The following RNF220 variants were observed in gnomAD, a reference collection of about 807,000 sequenced individuals.
The protein encoded by RNF220 is ring finger protein 220.
A neutral mutation model predicts 67.1 loss-of-function variants in RNF220; 7 were observed. The observed-to-expected ratio is 0.10, with a 90% CI of 0.06 to 0.20. The LOEUF (loss-of-function observed/expected upper bound fraction) is 0.20, where lower values mean the gene tolerates loss of function less well. Among genes scored for constraint, RNF220 ranks in the 10% least tolerant of loss-of-function variants. RNF220 has a pLI of 1.00. For missense variants in RNF220, 565 were observed against 740.3 expected, an observed-to-expected ratio of 0.76 and a Z score of 2.75; for synonymous variants, 270 against 283.2, an observed-to-expected ratio of 0.95 and a Z score of 0.47.
At chr1:44,514,177 G>C (rs558421750) in intron 2 of RNF220, among the ~76,000 whole-genome samples, 3 of 152,302 alleles carry the variant, frequency 2.0e-5, no homozygotes, top group South Asian at 4.1e-4. Context: ...GCAGGACCCT[G>C]TTTCTCTTGT....
chr1:44,422,169 G>C (rs1301835438), intron 2 of RNF220, among the ~76,000 whole-genome samples: 4 of 152,122 alleles, frequency 2.6e-5, no homozygotes, highest in African/African-American at 9.7e-5. Context: ...AGAAAGTCTG[G>C]GATTTAGGTC....
chr1:44,594,205 G>A (rs1235009278), intron 2 of RNF220, among the ~76,000 whole-genome samples: 3 of 152,190 alleles, frequency 2.0e-5, no homozygotes, highest in Admixed American at 6.5e-5. Context: ...AAAAAGAAAA[G>A]TGAAAGGCCC....
At position 44,502,824 on chromosome 1, in the gene RNF220, G is replaced by C. The variant is rs1161593839; in HGVS notation, c.625+90102G>C. Among the ~76,000 whole-genome samples the C allele has an allele frequency of 2.6e-5, 4 of 152,196 alleles. No individual in the cohort carries two copies. The East Asian group carries it at 7.7e-4, about 29-fold the overall frequency. ...TCAGTCGCCCAGGCTGGTGTGCAGT[G>C]ATGAGATCGTAACTCACTGCAGCCT... On this transcript the variant is annotated intron_variant, in intron 2 of 14. Coordinates refer to ENST00000361799, the MANE Select transcript of RNF220 (RefSeq NM_018150.4).
chr1:44,555,217 G>A (rs1662975075), intron 2 of RNF220, among the ~76,000 whole-genome samples: 2 of 151,970 alleles, frequency 1.3e-5, no homozygotes, highest in African/African-American at 2.4e-5. Flanking sequence ...ACAGGCACAC[G>A]ACACCACGCC....
intron 2 of RNF220, among the ~76,000 whole-genome samples, chr1:44,480,748 T>C (rs1209176629): frequency 6.6e-6 from 1 of 152,106 alleles, no homozygotes. Context: ...TAGCTGGGCA[T>C]GGTGGGGCAC....
At chr1:44,410,925 T>C (rs868257576) in intron 1 of RNF220, among the ~76,000 whole-genome samples, 1 of 152,202 alleles carries the variant, frequency 6.6e-6, no homozygotes. Flanking sequence ...AACCACTGAC[T>C]ATGAAAATGT....
intron 2 of RNF220, among the ~76,000 whole-genome samples, chr1:44,435,919 A>G (rs1650918284): frequency 6.6e-6 from 1 of 151,984 alleles, no homozygotes; most frequent in Admixed American, 6.6e-5. Context: ...GAGACTCCAT[A>G]TCAAAAAAAA....
At chr1:44,456,790 GCA>G (rs979925561) in intron 2 of RNF220, among the ~76,000 whole-genome samples, 1 of 152,094 alleles carries the variant, frequency 6.6e-6, no homozygotes, top group Non-Finnish European at 1.5e-5. Flanking sequence ...GCCATGGCCT[GCA>G]CAGTCCTGCA....
intron 2 of RNF220, among the ~76,000 whole-genome samples, chr1:44,562,210 C>A (rs763811014): frequency 2.6e-5 from 4 of 152,062 alleles, no homozygotes; most frequent in Admixed American, 2.6e-4. Flanking sequence ...GAGGTCTGAA[C>A]GTAGTTTGGC....
intron 2 of RNF220, among the ~76,000 whole-genome samples, chr1:44,489,757 G>A (rs1272128297): frequency 6.6e-6 from 1 of 152,202 alleles, no homozygotes; most frequent in Non-Finnish European, 1.5e-5. Context: ...GTAATGCCTG[G>A]GTCACATTCA....
At chr1:44,575,977 G>C (rs749114050) in intron 2 of RNF220, among the ~76,000 whole-genome samples, 50 of 152,220 alleles carry the variant, frequency 3.3e-4, no homozygotes, top group Non-Finnish European at 5.9e-4. Flanking sequence ...ACGAGGACAT[G>C]GTCCCTGCCC....
chr1:44,480,558 G>T (rs1184532746), intron 2 of RNF220, among the ~76,000 whole-genome samples: 1 of 152,132 alleles, frequency 6.6e-6, no homozygotes, highest in East Asian at 1.9e-4. Context: ...AGTCTGAGAA[G>T]GAATGGACAA....
intron 2 of RNF220, among the ~76,000 whole-genome samples, chr1:44,559,346 G>A (rs1159284812): frequency 1.3e-5 from 2 of 152,236 alleles, no homozygotes; most frequent in Non-Finnish European, 2.9e-5. Context: ...GCAGCCAATA[G>A]CCAGGATGCC....
intron 2 of RNF220, among the ~76,000 whole-genome samples, chr1:44,514,364 C>T (rs918164428): frequency 2.0e-5 from 3 of 152,228 alleles, no homozygotes; most frequent in African/African-American, 7.2e-5. Context: ...CTAGACAATA[C>T]TAGAATATTC....
intron 2 of RNF220, among the ~76,000 whole-genome samples, chr1:44,530,179 T>C (rs555219772): frequency 1.3e-5 from 2 of 152,290 alleles, no homozygotes; most frequent in South Asian, 4.1e-4. Context: ...AGACGAACCA[T>C]ATTCATAAAG....
chr1:44,607,340 T>C (rs186074400), intron 2 of RNF220, among the ~76,000 whole-genome samples: 1 of 152,194 alleles, frequency 6.6e-6, no homozygotes, highest in Non-Finnish European at 1.5e-5. Flanking sequence ...AAATCACTAA[T>C]GTAGTTTAAA....
At chr1:44,588,529 C>T (rs1047331658) in intron 2 of RNF220, among the ~76,000 whole-genome samples, 4 of 152,222 alleles carry the variant, frequency 2.6e-5, no homozygotes, top group African/African-American at 9.6e-5. Context: ...CCCAATAAGG[C>T]AGTCCTTTCA....
intron 3 of RNF220, among the ~76,000 whole-genome samples, chr1:44,614,693 C>T (rs1030394243): frequency 1.3e-5 from 2 of 152,144 alleles, no homozygotes; most frequent in African/African-American, 4.8e-5. Flanking sequence ...TGGACACTAC[C>T]TTCTCTATGA....
intron 2 of RNF220, among the ~76,000 whole-genome samples, chr1:44,499,134 T>C (rs894485299): frequency 2.6e-5 from 4 of 152,180 alleles, no homozygotes; most frequent in Admixed American, 6.5e-5. Flanking sequence ...ACCTAACTTC[T>C]TTCCTAATGT....
Sources: allele counts gnomAD v4.1 joint callset (sites outside exome capture counted in the v4.1 genomes callset), GRCh38; gene constraint gnomAD v4.1.1; transcripts MANE v1.5; gene names NCBI Gene and HGNC (gene_info 2026-07-23, HGNC 2026-07-21).